NCAPD3: variants seen among roughly 807,000 people sequenced by gnomAD.
NCAPD3 encodes non-SMC condensin II complex subunit D3.
NCAPD3 carries 105 observed loss-of-function variants against 182.9 expected under a neutral mutation model. The observed-to-expected ratio is 0.57, with a 90% CI of 0.49 to 0.68. The LOEUF is 0.68. Ranked by LOEUF, NCAPD3 falls within the 30% of genes least tolerant of loss-of-function variation. The pLI, the probability that NCAPD3 is intolerant of heterozygous loss-of-function variation, is 0.00. For synonymous variants in NCAPD3, 815 were observed against 679.9 expected (o/e 1.20, Z -3.09); for missense variants, 1,944 against 1,837.0 (o/e 1.06, Z -1.07).
At chr11:134,180,728 C>T (rs1433673236) in intron 20 of NCAPD3, among the ~76,000 whole-genome samples, 1 of 152,104 alleles carries the variant, frequency 6.6e-6, no homozygotes, top group African/African-American at 2.4e-5. Context: ...AGCAAACACA[C>T]AAACCAAAAA....
At chr11:134,175,179 T>C (rs1365677928) in intron 24 of NCAPD3, among the ~76,000 whole-genome samples, 2 of 152,162 alleles carry the variant, frequency 1.3e-5, no homozygotes, top group Non-Finnish European at 2.9e-5. Context: ...CACATACACA[T>C]ATAGGGGCTA....
rs115003035 is a variant in NCAPD3 at position 134,192,367 on chromosome 11, G to A, written c.2045+322C>T. Among the ~76,000 whole-genome samples, 1,303 of 152,264 alleles carry A rather than the reference G, an allele frequency of 8.6e-3. 18 individuals are homozygous for A. The highest frequency in any genetic ancestry group is 0.029 in the African/African-American group (1,212 of 41,546). On this transcript the variant is annotated intron_variant, in intron 16 of 34. Coordinates refer to ENST00000534548, the MANE Select transcript of NCAPD3 (RefSeq NM_015261.3). ...TGCAGGAGCTAGGAAGTCATCCTTC[G>A]TGATAACCAGTATTGGGGAAAGGTG...
chr11:134,168,327 C>T, intron 26 of NCAPD3, 132 bp from the exon 27 acceptor site: 4 of 1,474,902 alleles, frequency 2.7e-6, no homozygotes, highest in South Asian at 1.2e-5. Context: ...GTCTGGGGCA[C>T]AGCTGATGCC....
chr11:134,210,977 C>A (rs1452752244), intron 3 of NCAPD3, among the ~76,000 whole-genome samples: 1 of 152,184 alleles, frequency 6.6e-6, no homozygotes, highest in African/African-American at 2.4e-5. Context: ...TAGAAATCGG[C>A]CCAGGGCTGA....
chr11:134,163,743 G>A (rs1943664886), intron 27 of NCAPD3, among the ~76,000 whole-genome samples: 2 of 150,318 alleles, frequency 1.3e-5, no homozygotes, highest in African/African-American at 2.4e-5. Context: ...ACAGTGGCAG[G>A]GGCCTGTAGT....
chr11:134,184,557 C>A, intron 19 of NCAPD3, 80 bp downstream of exon 19: 1 of 952,262 alleles, frequency 1.1e-6, no homozygotes, highest in Non-Finnish European at 1.6e-6. Context: ...ATAGAGAATG[C>A]TCCTCACACT....
At position 134,158,502 on chromosome 11, in the gene NCAPD3, G is replaced by C. The variant is rs199935406; in HGVS notation, c.3868-7C>G. The C allele has an allele frequency of 1.9e-6, 3 of 1,611,928 alleles. No individual in the cohort carries two copies. Among genetic ancestry groups the C allele is most frequent in the South Asian group, 2.2e-5 (2 of 91,044 alleles). Reference sequence around the variant, plus strand: ...TTTCTAAACACAGGGCAACCTGGTAGAGAAGATAAAGAGTATGTACATTCT... The same window carrying C: ...TTTCTAAACACAGGGCAACCTGGTACAGAAGATAAAGAGTATGTACATTCT... On this transcript the variant is annotated splice_polypyrimidine_tract_variant and splice_region_variant and intron_variant, in intron 29 of 34. Transcript: ENST00000534548.
intron 13 of NCAPD3, among the ~76,000 whole-genome samples, chr11:134,195,239 T>A (rs1944603450): frequency 6.6e-6 from 1 of 151,114 alleles, no homozygotes; most frequent in Non-Finnish European, 1.5e-5. Context: ...TAGCTAGGAA[T>A]ACAGGCATGA....
chr11:134,184,576 C>T (rs1357477803), intron 19 of NCAPD3, 61 bp downstream of exon 19: 3 of 1,189,308 alleles, frequency 2.5e-6, no homozygotes, highest in East Asian at 2.4e-5. Context: ...CTTCAAAACA[C>T]ATACAGTAAC....
Position 134,177,216 on chromosome 11 carries a change from C to T in NCAPD3, c.3021+3G>A, listed in dbSNP as rs1461077359. 10 of 1,608,196 alleles carry T rather than the reference C, an allele frequency of 6.2e-6. No homozygotes were observed. In the African/African-American group the frequency reaches 6.7e-5, roughly 11 times the overall value. On this transcript the variant is annotated splice_donor_region_variant and intron_variant, in intron 23 of 34. Transcript: ENST00000534548. Reference sequence around the variant, plus strand: ...AAAGGACAGATTGAACCCCCCTACGCACCTGCAAGAGATTGGTAAGCAAGA... The same window carrying T: ...AAAGGACAGATTGAACCCCCCTACGTACCTGCAAGAGATTGGTAAGCAAGA...
At position 134,152,454 on chromosome 11, in the gene NCAPD3, G is replaced by A. The variant is rs1241830217; in HGVS notation, c.*490C>T. The A allele has an allele frequency of 6.6e-6, 1 of 152,318 alleles. No individual in the cohort carries two copies. Among genetic ancestry groups the A allele is most frequent in the Non-Finnish European group, 1.5e-5 (1 of 68,130 alleles). The allele number at this position is 152,318 out of a possible 1,614,324, so 9.4% of individuals were successfully genotyped here. A position where few individuals can be genotyped will look rare whatever the true frequency, so the allele number is the denominator to read the frequency against. ...TTGACTACTGGAAGGCTGTATTTAT[G>A]CTAAACCTTTATTACTTTTAGAAAG... On this transcript the variant is annotated 3_prime_UTR_variant, in exon 35 of 35. Coordinates refer to ENST00000534548, the MANE Select transcript of NCAPD3 (RefSeq NM_015261.3).
At chr11:134,183,764 G>C (rs760256085) in intron 19 of NCAPD3, among the ~76,000 whole-genome samples, 3 of 152,168 alleles carry the variant, frequency 2.0e-5, no homozygotes, top group Non-Finnish European at 2.9e-5. Context: ...CATTGTTTTA[G>C]TTGATCTGTT....
chr11:134,194,944 A>T (rs550248470), intron 13 of NCAPD3, among the ~76,000 whole-genome samples: 2 of 152,230 alleles, frequency 1.3e-5, no homozygotes, highest in Admixed American at 1.3e-4. Flanking sequence ...AATATTAAAA[A>T]TTTGGTTTTA....
At position 134,157,059 on chromosome 11, in the gene NCAPD3, T is replaced by C. The variant is rs1415800236; in HGVS notation, c.4211A>G (p.Glu1404Gly). ...SYSLEQESNG[E>G]IEHVTKRAIS... is the part of the protein sequence containing the mutation. Reference sequence around the variant, plus strand: ...GGCCCGCTTGGTCACGTGCTCAATCTCGCCATTCGACTCTTGCTCCAAACT... The same window carrying C: ...GGCCCGCTTGGTCACGTGCTCAATCCCGCCATTCGACTCTTGCTCCAAACT... Residue 1404 changes from glutamate (E) to glycine (G), a missense_variant, in exon 32 of 35, where the codon GAG (glutamate) becomes GGG (glycine). This residue lies in a region of NCAPD3 where 1,803 missense variants were observed against 1,674.6 expected (regional missense o/e 1.08). Transcript: ENST00000534548. 8.1e-6 allele frequency: 13 copies of C among 1,613,676 alleles called. No individual in the cohort carries two copies. The South Asian group carries it at 1.1e-4, about 14-fold the overall frequency.
chr11:134,205,015 C>T (rs1482087066), intron 8 of NCAPD3, 44 bp from the exon 9 acceptor site: 2 of 1,448,562 alleles, frequency 1.4e-6, no homozygotes, highest in African/African-American at 1.4e-5. Flanking sequence ...ATACAGTCAG[C>T]GACTGTCCCC....
At position 134,178,823 on chromosome 11, in the gene NCAPD3, G is replaced by A; in HGVS notation, c.2673C>T (p.His891=). The change falls in exon 21 of 35, where the codon CAC becomes CAT. Residue 891 remains histidine, a splice_region_variant and synonymous_variant. Transcript: ENST00000534548. ...AGAGTATGATTTCAAATGCCTTACA[G>A]TGGTCAGCATCAGCAGACGAAGCCA... ...SVLASSADAD[H]SPSSQGSSEA... 3 of 1,613,974 alleles carry A rather than the reference G, an allele frequency of 1.9e-6. No homozygotes were observed. Among genetic ancestry groups the A allele is most frequent in the Non-Finnish European group, 1.7e-6 (2 of 1,179,856 alleles).
At chr11:134,225,071 C>T (rs1187797238), upstream of NCAPD3, 2 of 1,525,300 alleles carry the variant, frequency 1.3e-6, no homozygotes, top group Non-Finnish European at 1.8e-6. Flanking sequence ...GCAGCCCGCG[C>T]CCCGGTGCGA....
chr11:134,224,572 C>T (rs1270601668), upstream of NCAPD3: 1 of 152,420 alleles, frequency 6.6e-6, no homozygotes, highest in African/African-American at 2.4e-5. Flanking sequence ...GCGAGCTCTC[C>T]TCCGGGCTGC....
At chr11:134,184,807 A>ATG in intron 18 of NCAPD3, 55 bp from the exon 19 acceptor site, 1 of 1,140,756 alleles carries the variant, frequency 8.8e-7, no homozygotes. Flanking sequence ...ATTCAGGTAT[A>ATG]TATACACACA....
Sources: gnomAD v4.1 joint callset for allele counts (sites outside exome capture counted in the v4.1 genomes callset) on GRCh38, gnomAD v4.1.1 for gene constraint, gnomAD v4.1.1 regional missense constraint, MANE v1.5 for transcripts, NCBI Gene and HGNC (gene_info 2026-07-23, HGNC 2026-07-21) for gene names.